The following CIMAP1D variants were observed in gnomAD, a reference collection of about 807,000 sequenced individuals.
The protein encoded by CIMAP1D is CIMAP1 family member D.
chr19:469,616 G>A, the CIMAP1D span, among the ~76,000 whole-genome samples: 1 of 151,992 alleles, frequency 6.6e-6, no homozygotes, highest in Non-Finnish European at 1.5e-5. Context: ...CTTGAACCCC[G>A]GGAGGCAGAG....
the CIMAP1D span, among the ~76,000 whole-genome samples, chr19:490,525 G>A: frequency 6.6e-6 from 1 of 152,220 alleles, no homozygotes; most frequent in East Asian, 1.9e-4. Flanking sequence ...GCACATTTGT[G>A]TCCACTTCCT....
At chr19:464,304 T>A in the CIMAP1D span, 1 of 1,541,414 alleles carries the variant, frequency 6.5e-7, no homozygotes, top group South Asian at 1.2e-5. Context: ...CGGTGTCCGA[T>A]GGCGCACAGG....
the CIMAP1D span, among the ~76,000 whole-genome samples, chr19:466,577 G>A: frequency 1.2e-4 from 18 of 146,564 alleles, no homozygotes; most frequent in Admixed American, 8.8e-4. Flanking sequence ...CTAGGTGGGT[G>A]GATAGATGAG....
At chr19:463,687 G>A in the CIMAP1D span, 1 of 1,075,228 alleles carries the variant, frequency 9.3e-7, no homozygotes, top group South Asian at 1.6e-5. Flanking sequence ...CCCAGGGACT[G>A]GAAGGATCAG....
the CIMAP1D span, among the ~76,000 whole-genome samples, chr19:464,890 T>G: frequency 1.3e-5 from 2 of 148,306 alleles, no homozygotes; most frequent in Non-Finnish European, 3.0e-5. Context: ...GATGAGTGGA[T>G]GATGGATGGA....
the CIMAP1D span, chr19:463,936 T>C: frequency 3.7e-6 from 6 of 1,611,422 alleles, no homozygotes; most frequent in South Asian, 1.1e-5. Context: ...CGGATGCCCA[T>C]AGAGAACGCT....
At chr19:463,920 G>T in the CIMAP1D span, 1 of 1,611,550 alleles carries the variant, frequency 6.2e-7, no homozygotes, top group Non-Finnish European at 8.5e-7. Flanking sequence ...GGCCCGTTTC[G>T]AGTGGCGGAT....
the CIMAP1D span, chr19:464,140 C>CGGGGGGGGGT: frequency 2.5e-6 from 2 of 796,574 alleles, no homozygotes; most frequent in Admixed American, 1.2e-4. Context: ...GGGGGGCGGG[C>CGGGGGGGGGT]GGGGGGGGTG....
At chr19:482,343 G>A in the CIMAP1D span, among the ~76,000 whole-genome samples, 2 of 152,278 alleles carry the variant, frequency 1.3e-5, no homozygotes, top group East Asian at 3.9e-4. Context: ...CAGGTCTAGA[G>A]AGTAGAGCCT....
the CIMAP1D span, among the ~76,000 whole-genome samples, chr19:469,980 C>A: frequency 2.4e-4 from 1 of 4,140 alleles, no homozygotes; most frequent in East Asian, 0.023. Context: ...AGCCTACAAA[C>A]AGGCTCTGCC....
chr19:483,207 T>C, the CIMAP1D span, among the ~76,000 whole-genome samples: 2 of 150,738 alleles, frequency 1.3e-5, no homozygotes, highest in Non-Finnish European at 2.9e-5. Flanking sequence ...AGCAGCTGAC[T>C]GCTGCTCTCC....
At chr19:489,201 C>T in the CIMAP1D span, 5,806 of 152,030 alleles carry the variant, frequency 0.038, 260 homozygotes, top group East Asian at 0.22. Context: ...GGGGGAGCGG[C>T]TGGTCAGCTG....
chr19:489,002 G>A, the CIMAP1D span, among the ~76,000 whole-genome samples: 2 of 152,062 alleles, frequency 1.3e-5, no homozygotes, highest in African/African-American at 4.8e-5. Context: ...GAACTCGGAG[G>A]ACCGCGGGCT....
At chr19:466,123 G>C in the CIMAP1D span, among the ~76,000 whole-genome samples, 2 of 145,322 alleles carry the variant, frequency 1.4e-5, no homozygotes, top group East Asian at 2.1e-4. Flanking sequence ...ATAGATGGGT[G>C]GGTGGGTGGA....
chr19:489,799 C>T, the CIMAP1D span: 1 of 373,722 alleles, frequency 2.7e-6, no homozygotes, highest in Non-Finnish European at 4.7e-6. Flanking sequence ...CTCGGGATGT[C>T]CAGCACTCAG....
chr19:464,267 G>A, the CIMAP1D span: 1 of 1,537,416 alleles, frequency 6.5e-7, no homozygotes, highest in African/African-American at 1.4e-5. Flanking sequence ...GCTTCAGGGG[G>A]AGGCGGCAGC....
At chr19:464,641 T>C in the CIMAP1D span, among the ~76,000 whole-genome samples, 5 of 152,028 alleles carry the variant, frequency 3.3e-5, no homozygotes, top group Non-Finnish European at 7.4e-5. Flanking sequence ...TCACAGCCCT[T>C]CCAGAGCCCC....
chr19:475,568 G>A, the CIMAP1D span, among the ~76,000 whole-genome samples: 17 of 152,230 alleles, frequency 1.1e-4, no homozygotes, highest in South Asian at 1.9e-3. Context: ...CAGAGGCCCT[G>A]GGGCAGCGGC....
chr19:478,269 C>A, the CIMAP1D span, among the ~76,000 whole-genome samples: 4 of 152,236 alleles, frequency 2.6e-5, no homozygotes, highest in East Asian at 7.7e-4. Flanking sequence ...GGAAGGTGTT[C>A]CCCCAACCCC....
Sources: allele counts gnomAD v4.1 joint callset (sites outside exome capture counted in the v4.1 genomes callset), GRCh38; gene constraint gnomAD v4.1.1; transcripts MANE v1.5; gene names NCBI Gene and HGNC (gene_info 2026-07-23, HGNC 2026-07-21).